Variants in SLC17A1 observed in about 807,000 individuals in gnomAD.
SLC17A1 encodes solute carrier family 17 member 1.
SLC17A1 carries 51 observed loss-of-function variants against 53.5 expected under a neutral mutation model. The observed-to-expected ratio is 0.95, with a 90% CI of 0.76 to 1.20. The LOEUF is 1.20. SLC17A1 is among the 50% of genes most tolerant of loss of function. The probability of loss-of-function intolerance (pLI) is 0.00; values close to 1 mark genes in which losing one functional copy is unlikely to be tolerated. For synonymous variants in SLC17A1, 179 were observed against 198.8 expected (o/e 0.90, Z 0.84); for missense variants, 538 against 568.2 (o/e 0.95, Z 0.54).
chr6:25,783,817 C>T (rs189191178), intron 12 of SLC17A1, among the ~76,000 whole-genome samples: 1,833 of 150,874 alleles, frequency 0.012, 32 homozygotes, highest in African/African-American at 0.041. Flanking sequence ...TTTTTGGACC[C>T]TACCCAAAAG....
In SLC17A1 at chr6:25,819,882, C is replaced by T. The variant is rs1484992441; in HGVS notation, c.241G>A (p.Gly81Arg). The change falls in exon 4 of 13, where the codon GGA becomes AGA. Residue 81 changes from glycine to arginine, a missense_variant. By Grantham distance (125) the Gly-to-Arg change is moderately radical. Coordinates refer to ENST00000244527, the MANE Select transcript of SLC17A1 (RefSeq NM_005074.5). ...TAGGAGGTGGAACTCAAGATGATTC[C>T]CTGGATATCTGGGCTCCAATTATAC... is the stretch of plus-strand genomic sequence containing the variant. ...PMYNWSPDIQ[G>R]IILSSTSYGV... 2 of 1,613,134 alleles carry T rather than the reference C, an allele frequency of 1.2e-6. No homozygotes were observed. Among genetic ancestry groups the T allele is most frequent in the South Asian group, 2.2e-5 (2 of 90,888 alleles).
chr6:25,760,769 C>T, the SLC17A1 span, among the ~76,000 whole-genome samples: 1 of 152,082 alleles, frequency 6.6e-6, no homozygotes, highest in East Asian at 1.9e-4. Context: ...AATTTTAATG[C>T]CTAATTTTTT....
chr6:25,827,763 T>C (rs1458311829), intron 2 of SLC17A1, among the ~76,000 whole-genome samples: 2 of 152,170 alleles, frequency 1.3e-5, no homozygotes, highest in Non-Finnish European at 2.9e-5. Flanking sequence ...AATGTTTGCT[T>C]AAATAACTGG....
chr6:25,728,321 A>T, the SLC17A1 span, among the ~76,000 whole-genome samples: 1 of 152,094 alleles, frequency 6.6e-6, no homozygotes, highest in Non-Finnish European at 1.5e-5. Context: ...AGTTTCCTTC[A>T]TTGTCATGTT....
At position 25,819,545 on chromosome 6, in the gene SLC17A1, CA is replaced by C; in HGVS notation, c.494del (p.Leu165ArgfsTer9). 1.9e-6 allele frequency: 3 copies of C among 1,614,154 alleles called. No individual in the cohort carries two copies. The highest frequency in any genetic ancestry group is 1.7e-6 in the Non-Finnish European group (2 of 1,179,990). ...FEIYVKWAPP[L>X]ERGRLTSMST... ...TCATAGAAGTAAGTCGGCCTCGTTCCAGGGGAGGAGCCCATTTGACATATAT... is the reference window on the plus strand; with the variant it reads ...TCATAGAAGTAAGTCGGCCTCGTTCCGGGGAGGAGCCCATTTGACATATAT... On this transcript the variant is annotated frameshift_variant, in exon 5 of 13. Coordinates refer to ENST00000244527, the MANE Select transcript of SLC17A1 (RefSeq NM_005074.5). LOFTEE classifies it high-confidence loss of function.
At chr6:25,822,405 T>C (rs1764594592) in intron 3 of SLC17A1, among the ~76,000 whole-genome samples, 1 of 152,186 alleles carries the variant, frequency 6.6e-6, no homozygotes, top group African/African-American at 2.4e-5. Context: ...CTTTACTAAT[T>C]TTTAGGTTAT....
chr6:25,822,620 TTCAAGCTCTATAGC>T (rs1686380718), intron 3 of SLC17A1, among the ~76,000 whole-genome samples: 1 of 152,168 alleles, frequency 6.6e-6, no homozygotes, highest in African/African-American at 2.4e-5. Context: ...AGAGAAATCT[TTCAAGCTCTATAGC>T]TCAAGAGCTC....
intron 10 of SLC17A1, among the ~76,000 whole-genome samples, chr6:25,806,446 A>T (rs1221538050): frequency 6.6e-6 from 1 of 152,108 alleles, no homozygotes; most frequent in Non-Finnish European, 1.5e-5. Flanking sequence ...AGTTGAAAGC[A>T]TTCCTCCTGA....
At chr6:25,787,357 G>A (rs1005714682) in intron 12 of SLC17A1, among the ~76,000 whole-genome samples, 1 of 151,898 alleles carries the variant, frequency 6.6e-6, no homozygotes, top group Non-Finnish European at 1.5e-5. Context: ...GGATAGGGTA[G>A]GGAAATAATA....
intron 6 of SLC17A1, among the ~76,000 whole-genome samples, chr6:25,815,159 AAGAG>A (rs996867158): frequency 6.6e-6 from 1 of 151,246 alleles, no homozygotes; most frequent in Non-Finnish European, 1.5e-5. Flanking sequence ...GAAATAGAGA[AAGAG>A]AGAAAGAGAA....
the SLC17A1 span, among the ~76,000 whole-genome samples, chr6:25,738,686 A>C: frequency 6.6e-6 from 1 of 152,226 alleles, no homozygotes; most frequent in Admixed American, 6.5e-5. Flanking sequence ...AAATCTCAAC[A>C]ATAAAAAACC....
rs1330775300 is a variant in SLC17A1 at position 25,819,510 on chromosome 6, C to T, written c.529+1G>A. 4.4e-6 allele frequency: 7 copies of T among 1,607,732 alleles called. No individual in the cohort carries two copies. The highest frequency in any genetic ancestry group is 6.0e-6 in the Non-Finnish European group (7 of 1,174,286). ...AAACATTCTAGGCTTTAATTCTTTA[C>T]CTGATGTACTCATAGAAGTAAGTCG... On this transcript the variant is annotated splice_donor_variant, in intron 5 of 12. Coordinates refer to ENST00000244527, the MANE Select transcript of SLC17A1 (RefSeq NM_005074.5). LOFTEE classifies it high-confidence loss of function.
chr6:25,813,683 C>T (rs945127598), intron 6 of SLC17A1, among the ~76,000 whole-genome samples: 1 of 152,138 alleles, frequency 6.6e-6, no homozygotes, highest in African/African-American at 2.4e-5. Flanking sequence ...AGGTATTAAG[C>T]CTAGTATCCA....
the SLC17A1 span, among the ~76,000 whole-genome samples, chr6:25,739,639 G>A: frequency 1.3e-5 from 2 of 152,326 alleles, no homozygotes; most frequent in African/African-American, 4.8e-5. Flanking sequence ...TACAGAATGA[G>A]TAGAATGGAC....
chr6:25,774,429 T>C, the SLC17A1 span, among the ~76,000 whole-genome samples: 1 of 152,192 alleles, frequency 6.6e-6, no homozygotes, highest in Non-Finnish European at 1.5e-5. Flanking sequence ...TGGGTTCCTC[T>C]GGTGAAAATG....
the SLC17A1 span, among the ~76,000 whole-genome samples, chr6:25,758,050 G>A: frequency 2.6e-5 from 4 of 152,180 alleles, no homozygotes; most frequent in Admixed American, 6.5e-5. Flanking sequence ...GCCGTGGGAC[G>A]TATCACAGCC....
the SLC17A1 span, among the ~76,000 whole-genome samples, chr6:25,746,507 T>C: frequency 6.6e-6 from 1 of 152,178 alleles, no homozygotes; most frequent in African/African-American, 2.4e-5. Flanking sequence ...TAAAAATTGT[T>C]GAATGAATAC....
intron 6 of SLC17A1, among the ~76,000 whole-genome samples, chr6:25,815,096 A>ACATGTGT (rs1457071329): frequency 3.3e-5 from 5 of 151,994 alleles, no homozygotes; most frequent in Non-Finnish European, 7.4e-5. Flanking sequence ...TAATAAAAAA[A>ACATGTGT]ATCACAAGGT....
chr6:25,725,678 A>T, the SLC17A1 span, among the ~76,000 whole-genome samples: 1 of 152,054 alleles, frequency 6.6e-6, no homozygotes, highest in African/African-American at 2.4e-5. Context: ...CGTTCACTGT[A>T]ACTTTCGCCT....
Sources: gnomAD v4.1 joint callset for allele counts (sites outside exome capture counted in the v4.1 genomes callset) on GRCh38, gnomAD v4.1.1 for gene constraint, MANE v1.5 for transcripts, NCBI Gene and HGNC (gene_info 2026-07-23, HGNC 2026-07-21) for gene names.